The following ZNF821 variants were observed in gnomAD, a reference collection of about 807,000 sequenced individuals.
ZNF821 encodes zinc finger protein 821.
A neutral mutation model predicts 44.3 loss-of-function variants in ZNF821; 16 were observed. That is an observed-to-expected ratio of 0.36 (90% CI 0.24 to 0.55). The LOEUF is 0.55. Ranked by LOEUF, ZNF821 falls within the 20% of genes least tolerant of loss-of-function variation. ZNF821 has a pLI of 0.86. For missense variants in ZNF821, 436 were observed against 547.6 expected, an observed-to-expected ratio of 0.80 and a Z score of 2.03; for synonymous variants, 204 against 197.6, an observed-to-expected ratio of 1.03 and a Z score of -0.27.
intron 4 of ZNF821, among the ~76,000 whole-genome samples, chr16:71,867,710 T>C (rs1462930419): frequency 6.6e-6 from 1 of 151,694 alleles, no homozygotes; most frequent in Non-Finnish European, 1.5e-5. Flanking sequence ...TATATATATA[T>C]AAATAAAATG....
At chr16:71,893,744 C>A (rs1171935088) in intron 1 of ZNF821, among the ~76,000 whole-genome samples, 6 of 151,786 alleles carry the variant, frequency 4.0e-5, no homozygotes, top group African/African-American at 7.3e-5. Flanking sequence ...CAGGCATAAG[C>A]CACCATGCCC....
At chr16:71,881,054 G>A (rs982695586) in intron 2 of ZNF821, among the ~76,000 whole-genome samples, 1 of 152,152 alleles carries the variant, frequency 6.6e-6, no homozygotes, top group Non-Finnish European at 1.5e-5. Flanking sequence ...AATAAAAAGG[G>A]ATTGTCTTTC....
chr16:71,863,043 G>A (rs1272056370), intron 6 of ZNF821, among the ~76,000 whole-genome samples: 17 of 152,012 alleles, frequency 1.1e-4, no homozygotes, highest in Admixed American at 2.0e-4. Context: ...ATAGGCGTGC[G>A]CCACCACACC....
At chr16:71,893,191 A>T (rs2036901299) in intron 1 of ZNF821, among the ~76,000 whole-genome samples, 1 of 149,556 alleles carries the variant, frequency 6.7e-6, no homozygotes, top group African/African-American at 2.5e-5. Flanking sequence ...CCCCCAGCTA[A>T]TTTTTTTTTG....
chr16:71,865,385 A>G (rs78655237), intron 4 of ZNF821, among the ~76,000 whole-genome samples: 3,265 of 152,216 alleles, frequency 0.021, 117 homozygotes, highest in African/African-American at 0.074. Context: ...CACTGAGCTC[A>G]TTCCCACTGT....
intron 1 of ZNF821, among the ~76,000 whole-genome samples, chr16:71,891,938 G>C: frequency 6.9e-6 from 1 of 145,984 alleles, no homozygotes; most frequent in Non-Finnish European, 1.5e-5. Context: ...GGAGGTTGGA[G>C]TGAGCTGAGA....
At chr16:71,894,767 C>A in intron 1 of ZNF821, 1 of 1,171,902 alleles carries the variant, frequency 8.5e-7, no homozygotes, top group Non-Finnish European at 1.2e-6. Flanking sequence ...AACTCCCGGG[C>A]TCAAGCGATC....
chr16:71,865,113 C>A, intron 4 of ZNF821, 65 bp from the exon 5 acceptor site: 1 of 1,590,776 alleles, frequency 6.3e-7, no homozygotes, highest in South Asian at 1.1e-5. Flanking sequence ...CTGCTCTCCA[C>A]CCTAGAGTTG....
Position 71,880,038 on chromosome 16 carries a change from G to A in ZNF821, c.-77-15C>T. The A allele has an allele frequency of 4.8e-6, 6 of 1,255,434 alleles. No homozygotes were observed. Among genetic ancestry groups the A allele is most frequent in the Non-Finnish European group, 6.7e-6 (6 of 891,888 alleles). 77.8% of individuals were successfully genotyped at this position (1,255,434 alleles called of 1,614,324 possible). ...AAGATGCTAACCTGCAATAAAAAAG[G>A]TTATTGTTAGCACATGTCATTTTCC... is the stretch of plus-strand genomic sequence containing the variant. On this transcript the variant is annotated splice_polypyrimidine_tract_variant and intron_variant, in intron 2 of 7. Transcript: ENST00000425432.
exon 1 of ZNF821, chr16:71,895,207 G>C (rs940186771): frequency 5.4e-6 from 1 of 186,800 alleles, no homozygotes; most frequent in African/African-American, 2.4e-5. Context: ...CCAAGGCACT[G>C]GGCGCGGTGA....
chr16:71,888,536 C>T (rs1029033372), upstream of ZNF821, among the ~76,000 whole-genome samples: 7 of 152,150 alleles, frequency 4.6e-5, no homozygotes, highest in Non-Finnish European at 2.9e-5. Flanking sequence ...ACTGTTCTTT[C>T]CCCCTTTGAA....
upstream of ZNF821, among the ~76,000 whole-genome samples, chr16:71,888,563 G>C (rs2142500299): frequency 6.6e-6 from 1 of 152,212 alleles, no homozygotes; most frequent in East Asian, 1.9e-4. Context: ...TGGTATCCTT[G>C]TTGAGAATCA....
At chr16:71,877,956 T>A (rs73586164) in intron 3 of ZNF821, among the ~76,000 whole-genome samples, 36,569 of 146,478 alleles carry the variant, frequency 0.25, 4,783 homozygotes, top group Non-Finnish European at 0.28. Flanking sequence ...AAAAATAAAA[T>A]ATATATAAAT....
upstream of ZNF821, among the ~76,000 whole-genome samples, chr16:71,887,903 C>G (rs2036867840): frequency 1.4e-5 from 2 of 148,070 alleles, no homozygotes; most frequent in South Asian, 4.2e-4. Context: ...GTTGCCCAGG[C>G]TGGAGTGCAG....
At position 71,876,407 on chromosome 16, in the gene ZNF821, T is replaced by C. The variant is rs1034991493; in HGVS notation, c.40+3500A>G. Reference sequence around the variant, plus strand: ...TTAGTAGAGATGGGGTTTCAACATCTTGGCCAGGCTGGTCTCAAACTCCTG... The same window carrying C: ...TTAGTAGAGATGGGGTTTCAACATCCTGGCCAGGCTGGTCTCAAACTCCTG... On this transcript the variant is annotated intron_variant, in intron 3 of 7. Transcript: ENST00000425432. 4.6e-5 allele frequency among the ~76,000 whole-genome samples: 7 copies of C among 151,970 alleles called. 1 individual carries two copies. Among genetic ancestry groups the C allele is most frequent in the African/African-American group, 1.7e-4 (7 of 41,350 alleles).
intron 1 of ZNF821, chr16:71,894,126 C>T (rs1479463023): frequency 1.3e-5 from 2 of 152,086 alleles, no homozygotes; most frequent in East Asian, 1.9e-4. Context: ...TATAAAGATA[C>T]AGTATTTCTA....
chr16:71,883,342 T>G (rs947604638), intron 1 of ZNF821, 69 bp from the exon 2 acceptor site: 7 of 404,176 alleles, frequency 1.7e-5, no homozygotes, highest in African/African-American at 1.4e-4. Flanking sequence ...CCCCTGGGGT[T>G]GGGTCTGGGG....
chr16:71,869,650 C>CT (rs2034968215), intron 3 of ZNF821, among the ~76,000 whole-genome samples: 1 of 150,750 alleles, frequency 6.6e-6, no homozygotes, highest in Non-Finnish European at 1.5e-5. Context: ...CTTTTTTTTT[C>CT]TTTTTGAGAC....
intron 3 of ZNF821, among the ~76,000 whole-genome samples, chr16:71,871,049 CA>C (rs2035144168): frequency 6.6e-6 from 1 of 152,162 alleles, no homozygotes; most frequent in African/African-American, 2.4e-5. Context: ...ATGTACCTTT[CA>C]AGATGAGTCA....
Sources: allele counts gnomAD v4.1 joint callset (sites outside exome capture counted in the v4.1 genomes callset), GRCh38; gene constraint gnomAD v4.1.1; transcripts MANE v1.5; gene names NCBI Gene and HGNC (gene_info 2026-07-23, HGNC 2026-07-21).